TANC2: variants seen among roughly 807,000 people sequenced by gnomAD.
TANC2 encodes the protein protein TANC2.
Under a neutral mutation model 210.5 loss-of-function variants are expected in TANC2, and 26 were observed. That is an observed-to-expected ratio of 0.12 (90% CI 0.09 to 0.17). The LOEUF is 0.17. Ranked by LOEUF, TANC2 falls within the 10% of genes least tolerant of loss-of-function variation. The probability of loss-of-function intolerance (pLI) is 1.00; values close to 1 mark genes in which losing one functional copy is unlikely to be tolerated. For missense variants in TANC2, 2,129 were observed against 2,608.9 expected, an observed-to-expected ratio of 0.82 and a Z score of 4.01; for synonymous variants, 931 against 967.1, an observed-to-expected ratio of 0.96 and a Z score of 0.69.
chr17:63,306,831 A>G (rs1044701920), intron 9 of TANC2, among the ~76,000 whole-genome samples: 23 of 152,126 alleles, frequency 1.5e-4, no homozygotes, highest in Non-Finnish European at 2.5e-4. Context: ...GGACATGCCT[A>G]TAGTCCCAGC....
chr17:63,055,965 CAAAAAAAAAAA>C (rs869063496), intron 2 of TANC2, among the ~76,000 whole-genome samples: 537 of 52,422 alleles, frequency 0.01, 10 homozygotes, highest in African/African-American at 0.029. Flanking sequence ...TCATCTCTAC[CAAAAAAAAAAA>C]AAAAAAAAAA....
intron 9 of TANC2, among the ~76,000 whole-genome samples, chr17:63,305,024 A>G (rs1020134467): frequency 1.3e-5 from 2 of 152,144 alleles, no homozygotes; most frequent in Non-Finnish European, 2.9e-5. Flanking sequence ...TATCAGTCCT[A>G]TTGTTCGCTG....
At chr17:63,177,500 T>G (rs1041473348) in intron 5 of TANC2, among the ~76,000 whole-genome samples, 2 of 152,084 alleles carry the variant, frequency 1.3e-5, no homozygotes, top group African/African-American at 2.4e-5. Context: ...AATTTTATCG[T>G]AGTCTGCTAA....
chr17:63,285,955 C>G (rs1294588497), intron 9 of TANC2, among the ~76,000 whole-genome samples: 1 of 152,194 alleles, frequency 6.6e-6, no homozygotes, highest in South Asian at 2.1e-4. Flanking sequence ...AGACTCCTGC[C>G]AAGAGTCAAC....
intron 4 of TANC2, among the ~76,000 whole-genome samples, chr17:63,142,467 G>C (rs1387494742): frequency 2.0e-5 from 3 of 151,944 alleles, no homozygotes; most frequent in African/African-American, 7.2e-5. Flanking sequence ...TTCCTAATTT[G>C]ATAGTTCATG....
At chr17:63,355,500 G>A (rs2046754900) in intron 14 of TANC2, 110 bp downstream of exon 14, 1 of 1,200,266 alleles carries the variant, frequency 8.3e-7, no homozygotes, top group Non-Finnish European at 1.1e-6. Flanking sequence ...ACATAGAAGA[G>A]ACATCATCTG....
chr17:63,196,251 A>G, intron 6 of TANC2, among the ~76,000 whole-genome samples: 1 of 152,240 alleles, frequency 6.6e-6, no homozygotes, highest in East Asian at 1.9e-4. Context: ...CTATGTCAAT[A>G]TGCTGTGCTG....
intron 2 of TANC2, among the ~76,000 whole-genome samples, chr17:63,043,299 T>C (rs2035259290): frequency 6.6e-6 from 1 of 152,114 alleles, no homozygotes; most frequent in Non-Finnish European, 1.5e-5. Flanking sequence ...TAATGGGTTC[T>C]CAGTAATTGA....
At chr17:63,081,881 A>G (rs535503149) in intron 3 of TANC2, among the ~76,000 whole-genome samples, 2 of 152,260 alleles carry the variant, frequency 1.3e-5, no homozygotes, top group Non-Finnish European at 2.9e-5. Flanking sequence ...AAAAGTTTGG[A>G]AGGCCGGGCA....
At chr17:63,328,652 G>A (rs549112965) in intron 11 of TANC2, among the ~76,000 whole-genome samples, 2 of 151,292 alleles carry the variant, frequency 1.3e-5, no homozygotes, top group East Asian at 3.9e-4. Flanking sequence ...GGAAGGAATG[G>A]GAGAAGTTGT....
chr17:63,163,379 T>C (rs1040906093), intron 5 of TANC2, among the ~76,000 whole-genome samples: 1 of 152,116 alleles, frequency 6.6e-6, no homozygotes. Context: ...TCTGTGTGAA[T>C]AGAAAAATTG....
At chr17:63,148,128 A>G (rs1191228021) in intron 4 of TANC2, 1 of 152,194 alleles carries the variant, frequency 6.6e-6, no homozygotes, top group African/African-American at 2.4e-5. Context: ...AAATGAATGA[A>G]ATAGGACTCT....
intron 4 of TANC2, chr17:63,131,060 A>C (rs1010530450): frequency 1.3e-5 from 2 of 152,222 alleles, no homozygotes; most frequent in African/African-American, 4.8e-5. Flanking sequence ...CACAAGACCA[A>C]AAACACTGCA....
intron 7 of TANC2, among the ~76,000 whole-genome samples, chr17:63,216,533 A>G (rs1453907905): frequency 6.6e-6 from 1 of 152,208 alleles, no homozygotes. Flanking sequence ...TTGGTCAGAA[A>G]TACAGATGAC....
intron 14 of TANC2, among the ~76,000 whole-genome samples, chr17:63,359,812 A>G (rs1338519585): frequency 6.6e-6 from 1 of 152,206 alleles, no homozygotes. Flanking sequence ...CAAATTAAAG[A>G]CAGCAAATCC....
intron 9 of TANC2, among the ~76,000 whole-genome samples, chr17:63,295,605 AAG>A (rs1249038816): frequency 6.6e-6 from 1 of 152,184 alleles, no homozygotes; most frequent in Non-Finnish European, 1.5e-5. Flanking sequence ...GGGAAGTACA[AAG>A]AGAGATAAGG....
chr17:62,969,715 A>G lies in TANC2; in HGVS notation c.-24+2966A>G, dbSNP rs2031582466. Among the ~76,000 whole-genome samples, 5 of 152,050 alleles carry G rather than the reference A, an allele frequency of 3.3e-5. No individual in the cohort carries two copies. The South Asian group carries it at 1.0e-3, about 32-fold the overall frequency. On this transcript the variant is annotated intron_variant, in intron 1 of 27. Coordinates refer to ENST00000689528, the Ensembl canonical transcript of TANC2. ...ATAGTGTGTGTGTGTGTGTGTGTATATAAATACACATTCATACACACACAC... is the reference window on the plus strand; with the variant it reads ...ATAGTGTGTGTGTGTGTGTGTGTATGTAAATACACATTCATACACACACAC...
Position 63,412,604 on chromosome 17 carries a change from CTTCT to C in TANC2, c.3899-73_3899-70del. ...GCCTGCCTCTCACTGCTGCTTTTTC[CTTCT>C]TTTTTTTTTTTTCACCTTCATCCAT... On this transcript the variant is annotated intron_variant, in intron 23 of 27. Transcript: ENST00000689528. This position sits in a 1 kb window ranked among gnomAD's most constrained non-coding sequence, Gnocchi z 4.2. 1 of 1,361,890 alleles carries C rather than the reference CTTCT, an allele frequency of 7.3e-7. No homozygotes were observed. The highest frequency in any genetic ancestry group is 1.5e-5 in the African/African-American group (1 of 68,728). 84.4% of individuals were successfully genotyped at this position (1,361,890 alleles called of 1,614,324 possible).
intron 14 of TANC2, among the ~76,000 whole-genome samples, chr17:63,357,518 A>G (rs571349146): frequency 6.6e-6 from 1 of 152,226 alleles, no homozygotes; most frequent in Non-Finnish European, 1.5e-5. Flanking sequence ...CTGAGAGATC[A>G]TCTTATTTCA....
Sources: allele counts gnomAD v4.1 joint callset (sites outside exome capture counted in the v4.1 genomes callset), GRCh38; gene constraint gnomAD v4.1.1; non-coding constraint Gnocchi (gnomAD v3.1); transcripts MANE v1.5; gene names NCBI Gene and HGNC (gene_info 2026-07-23, HGNC 2026-07-21).